Variants in FUT2 observed in about 807,000 individuals in gnomAD.
The protein encoded by FUT2 is fucosyltransferase 2 (H blood group).
For synonymous variants in FUT2, 182 were observed against 193.1 expected, an observed-to-expected ratio of 0.94 and a Z score of 0.48; for missense variants, 419 against 465.8, an observed-to-expected ratio of 0.90 and a Z score of 0.93.
chr19:48,701,974 C>CA (rs2032525282), intron 1 of FUT2, among the ~76,000 whole-genome samples: 1 of 151,916 alleles, frequency 6.6e-6, no homozygotes, highest in Admixed American at 6.6e-5. Context: ...GCCTGGGTGA[C>CA]AGAGATTCCA....
intron 1 of FUT2, among the ~76,000 whole-genome samples, chr19:48,702,712 CAA>C (rs1162419776): frequency 3.3e-5 from 5 of 152,058 alleles, no homozygotes; most frequent in African/African-American, 1.2e-4. Flanking sequence ...ACATTACACA[CAA>C]TGTGTACGCA....
At chr19:48,698,673 C>T (rs914923704) in intron 1 of FUT2, among the ~76,000 whole-genome samples, 3 of 152,006 alleles carry the variant, frequency 2.0e-5, no homozygotes, top group Admixed American at 1.3e-4. Context: ...AACTCCTGAC[C>T]TCAGGTGATC....
Position 48,703,830 on chromosome 19 carries a change from G to A in FUT2, c.874G>A (p.Gly292Arg), listed in dbSNP as rs548111243. Residue 292 changes from glycine (G) to arginine (R), a missense_variant, in exon 2 of 2, where the codon GGG becomes AGG. Coordinates refer to ENST00000425340, the MANE Select transcript of FUT2 (RefSeq NM_000511.6). ...NHTIMTIGTF[G>R]IWAAYLTGGD... The stretch of plus-strand genomic sequence containing the variant: ...CACCATCATGACCATTGGGACGTTC[G>A]GGATCTGGGCCGCATACCTCACGGG... 85 of 1,613,594 alleles carry A rather than the reference G, an allele frequency of 5.3e-5. 2 individuals are homozygous for A. In the Admixed American group the frequency reaches 8.3e-4, roughly 16 times the overall value.
intron 1 of FUT2, 97 bp from the exon 2 acceptor site, chr19:48,702,858 A>G (rs1568461676): frequency 8.8e-7 from 1 of 1,141,478 alleles, no homozygotes; most frequent in East Asian, 2.4e-5. Flanking sequence ...GCACACACAC[A>G]CCCACACTAT....
At chr19:48,698,711 G>A (rs2032457805) in intron 1 of FUT2, among the ~76,000 whole-genome samples, 1 of 152,066 alleles carries the variant, frequency 6.6e-6, no homozygotes, top group Middle Eastern at 3.4e-3. Flanking sequence ...CCAAAGTGCT[G>A]GAATTACAGG....
intron 1 of FUT2, 57 bp from the exon 2 acceptor site, chr19:48,702,898 C>T (rs762512342): frequency 6.0e-5 from 94 of 1,562,862 alleles, no homozygotes; most frequent in Non-Finnish European, 7.6e-5. Flanking sequence ...GCCACGTTCA[C>T]CAGCGCCCCG....
chr19:48,705,036 GT>G lies in FUT2; in HGVS notation c.*1049del, dbSNP rs941659735. 92 of 374,908 alleles carry G rather than the reference GT, an allele frequency of 2.5e-4. 2 individuals are homozygous for G. Among genetic ancestry groups the G allele is most frequent in the Admixed American group, 1.8e-3 (39 of 21,682 alleles). The allele number at this position is 374,908 out of a possible 1,614,324, so 23.2% of individuals were successfully genotyped here. Reference sequence around the variant, plus strand: ...CAAGTGGGGTTTAAACAGACCCACAGTCTACTCATCAAACCAGGTGTCCTTG... The same window carrying G: ...CAAGTGGGGTTTAAACAGACCCACAGCTACTCATCAAACCAGGTGTCCTTG... On this transcript the variant is annotated 3_prime_UTR_variant, in exon 2 of 2. Transcript: ENST00000425340.
At chr19:48,701,169 T>G (rs975598248) in intron 1 of FUT2, among the ~76,000 whole-genome samples, 1 of 151,938 alleles carries the variant, frequency 6.6e-6, no homozygotes, top group Non-Finnish European at 1.5e-5. Flanking sequence ...TTTTTTGAAA[T>G]GGAGTCTTGC....
intron 1 of FUT2, among the ~76,000 whole-genome samples, chr19:48,697,442 C>T (rs1046662969): frequency 4.7e-5 from 7 of 149,886 alleles, no homozygotes; most frequent in Non-Finnish European, 7.4e-5. Context: ...GGAAGGAGAA[C>T]AGAGGACCTC....
At chr19:48,699,303 T>C (rs2032469701) in intron 1 of FUT2, among the ~76,000 whole-genome samples, 1 of 151,988 alleles carries the variant, frequency 6.6e-6, no homozygotes, top group Non-Finnish European at 1.5e-5. Context: ...GATCAAGTGA[T>C]TCTCCTGCCT....
At position 48,695,999 on chromosome 19, in the gene FUT2, G is replaced by C. The variant is rs553297928; in HGVS notation, c.-93G>C. On this transcript the variant is annotated 5_prime_UTR_variant, in exon 1 of 2. Transcript: ENST00000425340. The stretch of plus-strand genomic sequence containing the variant: ...CACCGATGCTGGAAGGGTTTCTTTG[G>C]CCCTGAGTGAAGAGAGACCCAGAGG... 6.6e-6 allele frequency: 1 copy of C among 152,560 alleles called. No individual in the cohort carries two copies. The highest frequency in any genetic ancestry group is 6.5e-5 in the Admixed American group (1 of 15,292). The allele number at this position is 152,560 out of a possible 1,614,324, so 9.5% of individuals were successfully genotyped here. A position where few individuals can be genotyped will look rare whatever the true frequency, so the allele number is the denominator to read the frequency against.
rs1161377131 is a variant in FUT2, at chr19:48,703,796, G to A, written c.840G>A (p.Gln280=). The change falls in exon 2 of 2, where the codon CAG becomes CAA. Residue 280 remains glutamine (Q), a synonymous_variant. Transcript: ENST00000425340. ...SPAKDFALLT[Q]CNHTIMTIGT... is the part of the protein sequence containing the mutation. ...CCAAAGATTTTGCTCTACTCACACA[G>A]TGTAACCACACCATCATGACCATTG... 3.1e-6 allele frequency: 5 copies of A among 1,613,646 alleles called. No homozygotes were observed. Among genetic ancestry groups the A allele is most frequent in the African/African-American group, 1.3e-5 (1 of 75,040 alleles).
intron 1 of FUT2, 112 bp from the exon 2 acceptor site, chr19:48,702,843 T>C (rs916697405): frequency 2.0e-6 from 2 of 989,330 alleles, no homozygotes; most frequent in African/African-American, 3.2e-5. Context: ...ACACCTGAAG[T>C]AGAAGCACAC....
In FUT2 at chr19:48,703,533, G is replaced by A. The variant is rs148371614; in HGVS notation, c.577G>A (p.Gly193Ser). ...CCTGCAGGTGAACGGGAGCCGGCCG[G>A]GCACCTTTGTAGGGGTCCATGTTCG... The part of the protein sequence containing the change: ...RGLQVNGSRP[G>S]TFVGVHVRRG... Residue 193 changes from glycine (G) to serine (S), a missense_variant, in exon 2 of 2, where the codon GGC becomes AGC. Physicochemically the swap from Gly to Ser is moderately conservative, Grantham distance 56. Coordinates refer to ENST00000425340, the MANE Select transcript of FUT2 (RefSeq NM_000511.6). 129 of 1,613,232 alleles carry A rather than the reference G, an allele frequency of 8.0e-5. No homozygotes were observed. The African/African-American group carries it at 1.2e-3, about 15-fold the overall frequency.
At position 48,699,316 on chromosome 19, in the gene FUT2, A is replaced by G. The variant is rs915600951; in HGVS notation, c.-3+3227A>G. On this transcript the variant is annotated intron_variant, in intron 1 of 1. Coordinates refer to ENST00000425340, the MANE Select transcript of FUT2 (RefSeq NM_000511.6). ...ATGATCAAGTGATTCTCCTGCCTCA[A>G]CCTCCCCAGTAGCTGGGATTACAGG... is the stretch of plus-strand genomic sequence containing the variant. 2.6e-5 allele frequency among the ~76,000 whole-genome samples: 4 copies of G among 151,806 alleles called. No individual in the cohort carries two copies. The East Asian group carries it at 7.8e-4, about 30-fold the overall frequency.
chr19:48,702,273 G>A (rs2032529756), intron 1 of FUT2, among the ~76,000 whole-genome samples: 1 of 151,964 alleles, frequency 6.6e-6, no homozygotes, highest in Non-Finnish European at 1.5e-5. Context: ...TGGGCGTGGT[G>A]ATGTGCACCT....
Position 48,705,612 on chromosome 19 carries a change from A to G in FUT2, c.*1624A>G, listed in dbSNP as rs2122232228. On this transcript the variant is annotated 3_prime_UTR_variant, in exon 2 of 2. Transcript: ENST00000425340. ...CAGTGAACTTCAGGGCGTTCCGTTC[A>G]TTCTTTCAGTAAATGTTTGCAGCAC... 6.0e-6 allele frequency: 1 copy of G among 167,262 alleles called. No homozygotes were observed. Among genetic ancestry groups the G allele is most frequent in the Middle Eastern group, 3.4e-3 (1 of 296 alleles). The allele number at this position is 167,262 out of a possible 1,614,324, so 10.4% of individuals were successfully genotyped here. A position where few individuals can be genotyped will look rare whatever the true frequency, so the allele number is the denominator to read the frequency against.
chr19:48,697,311 C>T (rs1007917765), intron 1 of FUT2, among the ~76,000 whole-genome samples: 1 of 141,486 alleles, frequency 7.1e-6, no homozygotes, highest in Non-Finnish European at 1.5e-5. Context: ...TGCCATTGCA[C>T]TCCAGCCTGG....
At position 48,704,518 on chromosome 19, in the gene FUT2, G is replaced by C. The variant is rs2032600886; in HGVS notation, c.*530G>C. On this transcript the variant is annotated 3_prime_UTR_variant, in exon 2 of 2. Transcript: ENST00000425340. Reference sequence around the variant, plus strand: ...TAAGACCAGAAGTGGCCCAGGTCCAGGGTCAGTTAATTTAGCGGCTCCACA... The same window carrying C: ...TAAGACCAGAAGTGGCCCAGGTCCACGGTCAGTTAATTTAGCGGCTCCACA... The C allele has an allele frequency of 2.4e-6, 1 of 415,530 alleles. No homozygotes were observed. Among genetic ancestry groups the C allele is most frequent in the East Asian group, 3.5e-5 (1 of 28,536 alleles). 25.7% of individuals were successfully genotyped at this position (415,530 alleles called of 1,614,324 possible).
Sources: gnomAD v4.1 joint callset for allele counts (sites outside exome capture counted in the v4.1 genomes callset) on GRCh38, gnomAD v4.1.1 for gene constraint, MANE v1.5 for transcripts, NCBI Gene and HGNC (gene_info 2026-07-23, HGNC 2026-07-21) for gene names.